Variants in FLT1 observed in about 807,000 individuals in gnomAD.
The protein encoded by FLT1 is vascular endothelial growth factor receptor 1.
FLT1 carries 49 observed loss-of-function variants against 156.3 expected under a neutral mutation model. The ratio of observed to expected loss-of-function variants is 0.31; its 90% CI spans 0.25 to 0.40. The LOEUF (loss-of-function observed/expected upper bound fraction) is 0.40. FLT1 is among the 10% of genes least tolerant of loss of function. The probability of loss-of-function intolerance (pLI) is 1.00; values close to 1 mark genes in which losing one functional copy is unlikely to be tolerated. For synonymous variants in FLT1, 594 were observed against 583.8 expected (o/e 1.02, Z -0.25); for missense variants, 1,322 against 1,637.2 (o/e 0.81, Z 3.32).
intron 1 of FLT1, among the ~76,000 whole-genome samples, 154 bp downstream of exon 1, chr13:28,494,626 C>T (rs61763166): frequency 0.013 from 1,906 of 152,260 alleles, 44 homozygotes; most frequent in African/African-American, 0.043. Flanking sequence ...CAAGCGTGCC[C>T]GCTGCAACTA....
chr13:28,490,254 C>T (rs975170983), intron 1 of FLT1, among the ~76,000 whole-genome samples: 2 of 152,180 alleles, frequency 1.3e-5, no homozygotes. Context: ...CCTCAAAGAG[C>T]TCAAAATTGA....
chr13:28,355,340 G>T (rs982311372), intron 15 of FLT1, among the ~76,000 whole-genome samples: 23 of 152,154 alleles, frequency 1.5e-4, no homozygotes, highest in African/African-American at 5.6e-4. Context: ...CCAGCACAGC[G>T]CCTGCACATA....
At chr13:28,431,050 A>G in intron 7 of FLT1, 86 bp downstream of exon 7, 2 of 1,232,808 alleles carry the variant, frequency 1.6e-6, no homozygotes, top group Admixed American at 3.4e-5. Flanking sequence ...CTCTTGGCCA[A>G]CAGAAAACTG....
Position 28,431,180 on chromosome 13 carries a change from C to A in FLT1, c.944G>T (p.Ser315Ile). The change falls in exon 7 of 30, where the codon AGT becomes ATT. Residue 315 changes from serine to isoleucine, a missense_variant. Transcript: ENST00000282397. ...DKGLYTCRVR[S>I]GPSFKSVNTS... ...GTTAACAGATTTGAATGATGGTCCA[C>A]TCCTTACACGACAAGTATAAAGTCC... 1 of 1,613,938 alleles carries A rather than the reference C, an allele frequency of 6.2e-7. No individual in the cohort carries two copies. Among genetic ancestry groups the A allele is most frequent in the Non-Finnish European group, 8.5e-7 (1 of 1,179,814 alleles).
chr13:28,392,942 T>C (rs1421063789), intron 12 of FLT1, among the ~76,000 whole-genome samples: 1 of 152,184 alleles, frequency 6.6e-6, no homozygotes, highest in Non-Finnish European at 1.5e-5. Flanking sequence ...TCTCTTTTGA[T>C]CCATGGAAGA....
chr13:28,451,153 T>C (rs1192851049), intron 3 of FLT1, among the ~76,000 whole-genome samples: 1 of 152,186 alleles, frequency 6.6e-6, no homozygotes, highest in African/African-American at 2.4e-5. Flanking sequence ...CCAGGCACGG[T>C]GGCTGACGCC....
intron 1 of FLT1, among the ~76,000 whole-genome samples, chr13:28,475,773 A>C (rs1029887932): frequency 3.3e-5 from 5 of 152,228 alleles, no homozygotes; most frequent in African/African-American, 1.2e-4. Context: ...GATAATATGA[A>C]GTGGGCATTA....
intron 1 of FLT1, among the ~76,000 whole-genome samples, chr13:28,483,336 T>G (rs1215159825): frequency 6.6e-6 from 1 of 152,158 alleles, no homozygotes; most frequent in Non-Finnish European, 1.5e-5. Context: ...AATGCCAACT[T>G]AGAGAAAGAA....
chr13:28,350,170 G>A lies in FLT1; in HGVS notation c.2249-4619C>T, dbSNP rs572398058. Among the ~76,000 whole-genome samples the A allele has an allele frequency of 7.9e-5, 12 of 152,336 alleles. 1 individual carries two copies. Among genetic ancestry groups the A allele is most frequent in the South Asian group, 2.1e-4 (1 of 4,832 alleles). On this transcript the variant is annotated intron_variant, in intron 15 of 29. Transcript: ENST00000282397. Reference sequence around the variant, plus strand: ...AGGGAAATGTGGGTGGGATTTGACAGTAACTAGGAGTTAGCACTGGGTCTC... The same window carrying A: ...AGGGAAATGTGGGTGGGATTTGACAATAACTAGGAGTTAGCACTGGGTCTC...
At chr13:28,342,924 G>T (rs1371156221) in intron 16 of FLT1, among the ~76,000 whole-genome samples, 2 of 150,924 alleles carry the variant, frequency 1.3e-5, no homozygotes, top group Non-Finnish European at 2.9e-5. Context: ...TTAGCCAGAG[G>T]TACCATAATT....
At chr13:28,421,799 T>C (rs75340955) in intron 10 of FLT1, among the ~76,000 whole-genome samples, 2,561 of 152,232 alleles carry the variant, frequency 0.017, 73 homozygotes, top group African/African-American at 0.059. Context: ...TTTACAGTGA[T>C]TTTCTAAGTT....
Position 28,466,818 on chromosome 13 carries a change from A to G in FLT1, c.388+85T>C, listed in dbSNP as rs774215925. The G allele has an allele frequency of 1.4e-5, 14 of 966,958 alleles. No individual in the cohort carries two copies. In the African/African-American group the frequency reaches 1.8e-4, roughly 12 times the overall value. The allele number at this position is 966,958 out of a possible 1,614,324, so 59.9% of individuals were successfully genotyped here. On this transcript the variant is annotated intron_variant, in intron 3 of 29. Transcript: ENST00000282397. Reference sequence around the variant, plus strand: ...CCCGTTTCTTTCATACTCACTAGGAAAGCAACCTTTCCAATGGATCAGGGT... The same window carrying G: ...CCCGTTTCTTTCATACTCACTAGGAGAGCAACCTTTCCAATGGATCAGGGT...
intron 27 of FLT1, among the ~76,000 whole-genome samples, chr13:28,310,895 A>AG (rs1390466983): frequency 1.2e-4 from 19 of 152,242 alleles, no homozygotes; most frequent in Admixed American, 1.2e-3. Context: ...TTTAAAAAAA[A>AG]CATGTAAAGA....
At chr13:28,426,907 C>A (rs1011172899) in intron 10 of FLT1, among the ~76,000 whole-genome samples, 8 of 152,142 alleles carry the variant, frequency 5.3e-5, no homozygotes, top group African/African-American at 1.7e-4. Context: ...CATGGGAGGA[C>A]CTTAGTTTTG....
Position 28,322,210 on chromosome 13 carries a change from G to A in FLT1, c.3051+52C>T, listed in dbSNP as rs1353929570. 13 of 1,047,224 alleles carry A rather than the reference G, an allele frequency of 1.2e-5. No homozygotes were observed. Among genetic ancestry groups the A allele is most frequent in the Non-Finnish European group, 1.8e-5 (12 of 663,342 alleles). 64.9% of individuals were successfully genotyped at this position (1,047,224 alleles called of 1,614,324 possible). A position where few individuals can be genotyped will look rare whatever the true frequency, so the allele number is the denominator to read the frequency against. On this transcript the variant is annotated intron_variant, in intron 22 of 29. Coordinates refer to ENST00000282397, the MANE Select transcript of FLT1 (RefSeq NM_002019.4). The surrounding 1 kb of genome is among the most constrained non-coding windows in gnomAD (Gnocchi z 4.3). Reference sequence around the variant, plus strand: ...CTAGGAAAAATGAATTTATAGCAAAGGTGTGTGTCCAGCCCTGGCAGAGAA... The same window carrying A: ...CTAGGAAAAATGAATTTATAGCAAAAGTGTGTGTCCAGCCCTGGCAGAGAA...
At chr13:28,371,798 G>A (rs1593717016) in intron 14 of FLT1, among the ~76,000 whole-genome samples, 1 of 151,964 alleles carries the variant, frequency 6.6e-6, no homozygotes, top group East Asian at 1.9e-4. Context: ...GTGTTCTGAT[G>A]GACAGCAATT....
At chr13:28,330,788 C>T (rs1026423591) in intron 18 of FLT1, among the ~76,000 whole-genome samples, 1 of 151,742 alleles carries the variant, frequency 6.6e-6, no homozygotes, top group Non-Finnish European at 1.5e-5. Context: ...ATCTCGGCTC[C>T]CTGCAACCTC....
chr13:28,325,901 C>T (rs766852619), intron 20 of FLT1, among the ~76,000 whole-genome samples: 13 of 151,350 alleles, frequency 8.6e-5, no homozygotes, highest in African/African-American at 1.5e-4. Flanking sequence ...CATATATTGC[C>T]GGTCCGGTAG....
intron 14 of FLT1, among the ~76,000 whole-genome samples, chr13:28,362,026 G>C (rs1873132030): frequency 6.6e-6 from 1 of 152,190 alleles, no homozygotes. Flanking sequence ...ATTCAGGCAA[G>C]GAATGATGAG....
Sources: gnomAD v4.1 joint callset for allele counts (sites outside exome capture counted in the v4.1 genomes callset) on GRCh38, gnomAD v4.1.1 for gene constraint, Gnocchi (gnomAD v3.1) non-coding constraint, MANE v1.5 for transcripts, NCBI Gene and HGNC (gene_info 2026-07-23, HGNC 2026-07-21) for gene names.